RIMS2: variants seen among roughly 807,000 people sequenced by gnomAD.
The protein encoded by RIMS2 is regulating synaptic membrane exocytosis 2.
Under a neutral mutation model 174.4 loss-of-function variants are expected in RIMS2, and 59 were observed. The observed-to-expected ratio is 0.34, with a 90% CI of 0.27 to 0.42. The LOEUF (loss-of-function observed/expected upper bound fraction) is 0.42. RIMS2 is among the 10% of genes least tolerant of loss of function. The pLI, the probability that RIMS2 is intolerant of heterozygous loss-of-function variation, is 1.00. For missense variants in RIMS2, 1,620 were observed against 1,666.3 expected (o/e 0.97, Z 0.48); for synonymous variants, 606 against 572.5 (o/e 1.06, Z -0.84).
At chr8:104,171,088 A>G (rs760933946) in intron 19 of RIMS2, among the ~76,000 whole-genome samples, 30 of 152,046 alleles carry the variant, frequency 2.0e-4, no homozygotes, top group Non-Finnish European at 3.8e-4. Flanking sequence ...CTTCATCTTA[A>G]CTTTAGGTAG....
rs145018355 is a variant in RIMS2 at position 104,244,095 on chromosome 8, T to C, written c.3335-821T>C. Among the ~76,000 whole-genome samples, 95 of 152,300 alleles carry C rather than the reference T, an allele frequency of 6.2e-4. 1 individual carries two copies. The highest frequency in any genetic ancestry group is 2.2e-3 in the African/African-American group (91 of 41,566). ...CTCAAATCCCACAGCCTCTATGACA[T>C]ACTTCTTCCCTGACCTCTCCAGATA... is the stretch of plus-strand genomic sequence containing the variant. On this transcript the variant is annotated intron_variant, in intron 19 of 23. Transcript: ENST00000504942.
intron 1 of RIMS2, chr8:103,501,621 C>CT (rs1819981828): frequency 6.5e-6 from 1 of 153,276 alleles, no homozygotes; most frequent in African/African-American, 2.4e-5. Flanking sequence ...GGCTAGGGGC[C>CT]TAAGCTCTGT....
chr8:103,536,242 A>G (rs568140191), intron 1 of RIMS2, among the ~76,000 whole-genome samples: 2 of 152,302 alleles, frequency 1.3e-5, no homozygotes, highest in South Asian at 4.1e-4. Flanking sequence ...GAAACAAACA[A>G]GGGCACTTTT....
chr8:103,807,641 A>G (rs1298238613), intron 3 of RIMS2, among the ~76,000 whole-genome samples: 1 of 152,192 alleles, frequency 6.6e-6, no homozygotes, highest in Non-Finnish European at 1.5e-5. Flanking sequence ...TTTGTTTATC[A>G]TTACAAGTAT....
chr8:103,826,284 C>A lies in RIMS2; in HGVS notation c.699-59014C>A, dbSNP rs541987609. Among the ~76,000 whole-genome samples the A allele has an allele frequency of 8.6e-5, 13 of 151,176 alleles. No homozygotes were observed. In the East Asian group the frequency reaches 2.3e-3, roughly 27 times the overall value. The stretch of plus-strand genomic sequence containing the variant: ...GTGGTTTTTATTTTCTGTTTGCACT[C>A]TAAAAATCCTTGTTAACCCCTAAGT... On this transcript the variant is annotated intron_variant, in intron 3 of 23. Coordinates refer to ENST00000504942, the Ensembl canonical transcript of RIMS2.
At chr8:103,698,714 T>G (rs1353740182) in intron 2 of RIMS2, among the ~76,000 whole-genome samples, 1 of 152,124 alleles carries the variant, frequency 6.6e-6, no homozygotes, top group African/African-American at 2.4e-5. Context: ...CAAGTGTTCC[T>G]CCTGCCTCAG....
chr8:103,651,298 G>A lies in RIMS2; in HGVS notation c.177-45788G>A, dbSNP rs367784158. Among the ~76,000 whole-genome samples, 3 of 152,306 alleles carry A rather than the reference G, an allele frequency of 2.0e-5. 1 individual carries two copies. The South Asian group carries it at 6.2e-4, about 32-fold the overall frequency. On this transcript the variant is annotated intron_variant, in intron 1 of 23. Transcript: ENST00000504942. ...AGTTGTTTGCTTAGTCAGTTTCAAC[G>A]TGAGAACTCAGATATTTCAGTTGAA...
At chr8:103,790,874 G>A (rs961821360) in intron 3 of RIMS2, among the ~76,000 whole-genome samples, 1 of 151,966 alleles carries the variant, frequency 6.6e-6, no homozygotes, top group Non-Finnish European at 1.5e-5. Context: ...TTAAAGTATG[G>A]TGTTAGGTGA....
In RIMS2 at chr8:103,539,814, C is replaced by A. The variant is rs78036683; in HGVS notation, c.176+38752C>A. ...TGCAGTCACCCTGAGAGTGCTCACA[C>A]TTCAGACTCAGGCTCTGTGGCTGCA... is the stretch of plus-strand genomic sequence containing the variant. On this transcript the variant is annotated intron_variant, in intron 1 of 23. Coordinates refer to ENST00000504942, the Ensembl canonical transcript of RIMS2. 3.3e-5 allele frequency among the ~76,000 whole-genome samples: 5 copies of A among 152,250 alleles called. No homozygotes were observed. In the East Asian group the frequency reaches 9.6e-4, roughly 29 times the overall value.
chr8:104,206,074 T>G (rs2099078717), intron 19 of RIMS2, among the ~76,000 whole-genome samples: 1 of 152,136 alleles, frequency 6.6e-6, no homozygotes, highest in South Asian at 2.1e-4. Flanking sequence ...CTTATTTATA[T>G]TATGAAGAGG....
At chr8:103,616,095 T>G (rs1265215739) in intron 1 of RIMS2, among the ~76,000 whole-genome samples, 1 of 152,162 alleles carries the variant, frequency 6.6e-6, no homozygotes, top group East Asian at 1.9e-4. Context: ...CCAAAATTGT[T>G]GATGAACATT....
At chr8:104,132,420 T>G (rs2098480696) in intron 19 of RIMS2, among the ~76,000 whole-genome samples, 1 of 152,206 alleles carries the variant, frequency 6.6e-6, no homozygotes, top group Non-Finnish European at 1.5e-5. Flanking sequence ...GAGCTAATGT[T>G]GGAACTCCAG....
intron 19 of RIMS2, among the ~76,000 whole-genome samples, chr8:104,211,233 T>G (rs1354012223): frequency 6.6e-6 from 1 of 152,148 alleles, no homozygotes; most frequent in East Asian, 1.9e-4. Context: ...AAGACATTTA[T>G]AAATATACCT....
intron 2 of RIMS2, among the ~76,000 whole-genome samples, chr8:103,733,622 A>G (rs2097641228): frequency 6.6e-6 from 1 of 152,174 alleles, no homozygotes; most frequent in African/African-American, 2.4e-5. Flanking sequence ...TCTTCTGGCT[A>G]GAACTGGTCT....
intron 1 of RIMS2, among the ~76,000 whole-genome samples, chr8:103,556,171 A>G (rs1050514552): frequency 6.6e-6 from 1 of 152,140 alleles, no homozygotes; most frequent in African/African-American, 2.4e-5. Flanking sequence ...TACAGTTGAA[A>G]ATTTCTAAGA....
chr8:103,805,152 A>G (rs796364120), intron 3 of RIMS2, among the ~76,000 whole-genome samples: 4 of 152,222 alleles, frequency 2.6e-5, no homozygotes, highest in Admixed American at 1.3e-4. Flanking sequence ...TGTATGTGTA[A>G]TACTTAATAA....
Position 103,540,318 on chromosome 8 carries a change from A to T in RIMS2, c.176+39256A>T, listed in dbSNP as rs1841946857. Reference sequence around the variant, plus strand: ...AGAAATTGGGTGGACCTTAGCAGTCATCACCACTGAAGACTCCAGTCCTTG... The same window carrying T: ...AGAAATTGGGTGGACCTTAGCAGTCTTCACCACTGAAGACTCCAGTCCTTG... On this transcript the variant is annotated intron_variant, in intron 1 of 23. Transcript: ENST00000504942. Among the ~76,000 whole-genome samples the T allele has an allele frequency of 7.9e-5, 12 of 152,340 alleles. No individual in the cohort carries two copies. The South Asian group carries it at 2.3e-3, about 29-fold the overall frequency.
intron 2 of RIMS2, among the ~76,000 whole-genome samples, chr8:103,730,506 T>G (rs1013469169): frequency 1.3e-5 from 2 of 152,172 alleles, no homozygotes; most frequent in Non-Finnish European, 2.9e-5. Flanking sequence ...TTTTTAACTT[T>G]TGTTGTTTCT....
intron 3 of RIMS2, among the ~76,000 whole-genome samples, chr8:103,851,090 A>G (rs1355156294): frequency 6.6e-6 from 1 of 152,028 alleles, no homozygotes; most frequent in Non-Finnish European, 1.5e-5. Flanking sequence ...ATATTCAGGC[A>G]TAAAGGGAAA....
Sources: gnomAD v4.1 joint callset for allele counts (sites outside exome capture counted in the v4.1 genomes callset) on GRCh38, gnomAD v4.1.1 for gene constraint, MANE v1.5 for transcripts, NCBI Gene and HGNC (gene_info 2026-07-23, HGNC 2026-07-21) for gene names.